OSBPL10: variants seen among roughly 807,000 people sequenced by gnomAD.
OSBPL10 encodes the protein oxysterol-binding protein-related protein 10.
Under a neutral mutation model 81.7 loss-of-function variants are expected in OSBPL10, and 49 were observed. The ratio of observed to expected loss-of-function variants is 0.60; its 90% CI spans 0.48 to 0.76. OSBPL10 has a LOEUF of 0.76. Among genes scored for constraint, OSBPL10 ranks in the 30% least tolerant of loss-of-function variants. The pLI, the probability that OSBPL10 is intolerant of heterozygous loss-of-function variation, is 0.00. For missense variants in OSBPL10, 923 were observed against 987.8 expected, an observed-to-expected ratio of 0.93 and a Z score of 0.88; for synonymous variants, 419 against 383.6, an observed-to-expected ratio of 1.09 and a Z score of -1.08.
rs3792553 is a variant in OSBPL10, at chr3:31,665,269, C to T, written c.2097-1037G>A. 1.5e-4 allele frequency among the ~76,000 whole-genome samples: 23 copies of T among 152,322 alleles called. No individual in the cohort carries two copies. The East Asian group carries it at 4.4e-3, about 29-fold the overall frequency. On this transcript the variant is annotated intron_variant, in intron 10 of 11. Transcript: ENST00000396556. Reference sequence around the variant, plus strand: ...ACACCACCACCCAAGCACTTCCTCACTTAAATGCATCAGAAGGTCGGATTT... The same window carrying T: ...ACACCACCACCCAAGCACTTCCTCATTTAAATGCATCAGAAGGTCGGATTT...
Position 31,989,455 on chromosome 3 carries a change from G to A in OSBPL10, n.298+57036C>T, listed in dbSNP as rs1459093740. 2.5e-6 allele frequency: 4 copies of A among 1,614,210 alleles called. No homozygotes were observed. The African/African-American group carries it at 5.3e-5, about 22-fold the overall frequency. The stretch of plus-strand genomic sequence containing the variant: ...AGAAGACAAAAGAAATAGCCATGAA[G>A]CAACTATGACACAAATCAAAAAGTT... On this transcript the variant is annotated intron_variant and non_coding_transcript_variant, in intron 2 of 3. Coordinates refer to the OSBPL10 transcript ENST00000479173.
chr3:32,044,332 C>T (rs896747091), intron 2 of OSBPL10, among the ~76,000 whole-genome samples: 1 of 149,616 alleles, frequency 6.7e-6, no homozygotes, highest in Admixed American at 6.7e-5. Flanking sequence ...AAAAAGAATT[C>T]CCCTATCAAT....
At chr3:31,937,573 T>C (rs137887760) in intron 1 of OSBPL10, among the ~76,000 whole-genome samples, 72 of 152,054 alleles carry the variant, frequency 4.7e-4, no homozygotes, top group African/African-American at 1.6e-3. Flanking sequence ...TTCAGTCCTG[T>C]CCAAAGTTCA....
intron 4 of OSBPL10, among the ~76,000 whole-genome samples, chr3:31,778,379 G>A (rs531918376): frequency 5.9e-5 from 9 of 152,242 alleles, no homozygotes; most frequent in South Asian, 2.1e-4. Context: ...GCTCAGACCC[G>A]CCTAACCCTG....
At chr3:31,694,699 A>G (rs1575481014) in intron 7 of OSBPL10, among the ~76,000 whole-genome samples, 1 of 152,266 alleles carries the variant, frequency 6.6e-6, no homozygotes, top group African/African-American at 2.4e-5. Context: ...ATTCTTTAAG[A>G]CTCATAGAAA....
rs934144180 is a variant in OSBPL10, at chr3:32,062,686, T to C, written n.185+14710A>G. Among the ~76,000 whole-genome samples the C allele has an allele frequency of 1.7e-4, 16 of 94,700 alleles. 2 individuals carry two copies. In the East Asian group the frequency reaches 1.7e-3, roughly 10 times the overall value. 62.1% of individuals were successfully genotyped at this position (94,700 alleles called of 152,430 possible). A position where few individuals can be genotyped will look rare whatever the true frequency, so the allele number is the denominator to read the frequency against. On this transcript the variant is annotated intron_variant and non_coding_transcript_variant, in intron 1 of 3. Transcript: ENST00000479173. ...TGAATCAGACCTGGATTTGTGCTAA[T>C]GTAGCCAACAGCCTGGCATTGCCAG...
intron 3 of OSBPL10, among the ~76,000 whole-genome samples, chr3:31,872,029 C>CT (rs758268766): frequency 6.6e-6 from 1 of 152,190 alleles, no homozygotes; most frequent in African/African-American, 2.4e-5. Context: ...TTATAATGCA[C>CT]TAAAGGCCGA....
chr3:31,962,777 G>T (rs1228651914), intron 1 of OSBPL10, among the ~76,000 whole-genome samples: 6 of 152,154 alleles, frequency 3.9e-5, no homozygotes, highest in African/African-American at 1.4e-4. Flanking sequence ...AATCACTTGG[G>T]TGCAAGGTAA....
chr3:31,668,508 C>A, intron 10 of OSBPL10, 134 bp downstream of exon 10: 1 of 789,444 alleles, frequency 1.3e-6, no homozygotes, highest in Non-Finnish European at 1.9e-6. Context: ...ATTAAAATAT[C>A]TAAAGAAGCC....
chr3:32,044,625 C>T (rs1461918308), intron 2 of OSBPL10, among the ~76,000 whole-genome samples: 1 of 150,614 alleles, frequency 6.6e-6, no homozygotes, highest in Admixed American at 6.6e-5. Flanking sequence ...CCTATAATCC[C>T]AGCTACTCAG....
At position 31,989,896 on chromosome 3, in the gene OSBPL10, C is replaced by T. The variant is rs753567225; in HGVS notation, n.298+56595G>A. Reference sequence around the variant, plus strand: ...CAAGGTCTTTAATCAGAAGCGATACCTTGCATGCCATCATAGATGTCACAC... The same window carrying T: ...CAAGGTCTTTAATCAGAAGCGATACTTTGCATGCCATCATAGATGTCACAC... On this transcript the variant is annotated intron_variant and non_coding_transcript_variant, in intron 2 of 3. Transcript: ENST00000479173. The T allele has an allele frequency of 5.0e-6, 8 of 1,613,978 alleles. No individual in the cohort carries two copies. In the East Asian group the frequency reaches 1.3e-4, roughly 27 times the overall value.
intron 11 of OSBPL10, chr3:31,663,433 TTC>T (rs1208778615): frequency 2.0e-6 from 2 of 987,410 alleles, no homozygotes; most frequent in African/African-American, 1.7e-5. Context: ...TCCAATTCTG[TTC>T]TCAGAGTGCT....
chr3:31,662,222 C>G, intron 11 of OSBPL10, 106 bp from the exon 12 acceptor site: 2 of 1,573,100 alleles, frequency 1.3e-6, no homozygotes, highest in South Asian at 1.2e-5. Context: ...GTCTTAATAC[C>G]TCACACGCAG....
Position 31,683,863 on chromosome 3 carries a change from C to T in OSBPL10, c.1497G>A (p.Lys499=). 1 of 1,614,236 alleles carries T rather than the reference C, an allele frequency of 6.2e-7. No individual in the cohort carries two copies. Among genetic ancestry groups the T allele is most frequent in the Non-Finnish European group, 8.5e-7 (1 of 1,180,048 alleles). ...GAGAGCGGGAAGCAGTCCTCTTAGGCTTGACCCTGTCCTTGGGAACTTCCC... is the reference window on the plus strand; with the variant it reads ...GAGAGCGGGAAGCAGTCCTCTTAGGTTTGACCCTGTCCTTGGGAACTTCCC... ...CSWEVPKDRV[K]PKRTASRSPA... is the part of the protein sequence containing the mutation. The change falls in exon 8 of 12, where the codon AAG becomes AAA. Residue 499 remains lysine, a synonymous_variant. Coordinates refer to ENST00000396556, the MANE Select transcript of OSBPL10 (RefSeq NM_017784.5).
intron 2 of OSBPL10, among the ~76,000 whole-genome samples, chr3:32,008,550 G>C (rs1367325692): frequency 6.8e-6 from 1 of 147,204 alleles, no homozygotes; most frequent in African/African-American, 2.5e-5. Flanking sequence ...GGGCAACATG[G>C]CCAAACCCCG....
At chr3:31,965,922 TAA>T (rs1346100917) in intron 1 of OSBPL10, among the ~76,000 whole-genome samples, 1 of 118,986 alleles carries the variant, frequency 8.4e-6, no homozygotes, top group Non-Finnish European at 1.6e-5. Context: ...AGATAATATA[TAA>T]TATATATTAT....
chr3:31,720,226 T>C (rs1331922836), intron 6 of OSBPL10, among the ~76,000 whole-genome samples: 1 of 152,072 alleles, frequency 6.6e-6, no homozygotes, highest in Non-Finnish European at 1.5e-5. Context: ...AATTATGCTG[T>C]TTTACAATAA....
intron 3 of OSBPL10, among the ~76,000 whole-genome samples, chr3:31,852,338 A>G (rs552721303): frequency 1.3e-5 from 2 of 152,156 alleles, no homozygotes; most frequent in Non-Finnish European, 2.9e-5. Flanking sequence ...ATCAGGAGGT[A>G]AAGAGTACAG....
intron 6 of OSBPL10, among the ~76,000 whole-genome samples, chr3:31,712,896 C>G (rs1485488748): frequency 2.0e-5 from 3 of 149,026 alleles, no homozygotes; most frequent in Admixed American, 2.0e-4. Context: ...TGGCCAAAAG[C>G]CTTGGCACCA....
Sources: gnomAD v4.1 joint callset for allele counts (sites outside exome capture counted in the v4.1 genomes callset) on GRCh38, gnomAD v4.1.1 for gene constraint, MANE v1.5 for transcripts, NCBI Gene and HGNC (gene_info 2026-07-23, HGNC 2026-07-21) for gene names.